SPMAP2L: variants seen among roughly 807,000 people sequenced by gnomAD.
SPMAP2L encodes the protein sperm microtubule associated protein 2-like.
the SPMAP2L span, chr4:56,548,748 CT>C: frequency 2.2e-6 from 3 of 1,371,232 alleles, no homozygotes; most frequent in Non-Finnish European, 2.9e-6. Flanking sequence ...TCTTTGATTC[CT>C]GTTGAATCTA....
chr4:56,532,620 G>A, the SPMAP2L span, among the ~76,000 whole-genome samples: 4 of 152,094 alleles, frequency 2.6e-5, no homozygotes, highest in Admixed American at 2.6e-4. Context: ...TGCAGAACTT[G>A]TCAAAAGAGT....
chr4:56,604,664 A>AG, the SPMAP2L span, among the ~76,000 whole-genome samples: 1 of 152,096 alleles, frequency 6.6e-6, no homozygotes, highest in African/African-American at 2.4e-5. Context: ...ATCTCAAAAA[A>AG]AAAAAGAAAA....
the SPMAP2L span, among the ~76,000 whole-genome samples, chr4:56,537,327 C>T: frequency 1.3e-5 from 2 of 152,178 alleles, no homozygotes; most frequent in African/African-American, 4.8e-5. Context: ...TTCTATGCTG[C>T]TGCCTTCTAA....
the SPMAP2L span, among the ~76,000 whole-genome samples, chr4:56,565,065 T>G: frequency 1.3e-5 from 2 of 152,226 alleles, no homozygotes; most frequent in Non-Finnish European, 2.9e-5. Flanking sequence ...TTATTGAAAC[T>G]TTTTTATGTC....
the SPMAP2L span, among the ~76,000 whole-genome samples, chr4:56,565,761 A>G: frequency 6.6e-6 from 1 of 152,170 alleles, no homozygotes; most frequent in East Asian, 1.9e-4. Flanking sequence ...TTATTCATCA[A>G]TCCAAAAAAT....
chr4:56,597,991 C>T, the SPMAP2L span, among the ~76,000 whole-genome samples: 1 of 152,132 alleles, frequency 6.6e-6, no homozygotes, highest in African/African-American at 2.4e-5. Context: ...GCCACCTGAG[C>T]AGCTGGGACT....
At chr4:56,621,485 G>A in the SPMAP2L span, among the ~76,000 whole-genome samples, 4,798 of 152,136 alleles carry the variant, frequency 0.032, 159 homozygotes, top group African/African-American at 0.081. Context: ...ATAACTGTAG[G>A]GCAGGTAGTT....
At chr4:56,582,422 T>C in the SPMAP2L span, among the ~76,000 whole-genome samples, 3 of 152,068 alleles carry the variant, frequency 2.0e-5, no homozygotes, top group Non-Finnish European at 4.4e-5. Context: ...CAAAAAGATA[T>C]ACAAATAGAC....
At chr4:56,620,676 C>T in the SPMAP2L span, among the ~76,000 whole-genome samples, 5 of 152,342 alleles carry the variant, frequency 3.3e-5, no homozygotes, top group South Asian at 4.1e-4. Context: ...TGAGCCACCG[C>T]GCCCGACATC....
chr4:56,566,779 C>T, the SPMAP2L span, among the ~76,000 whole-genome samples: 17 of 148,532 alleles, frequency 1.1e-4, no homozygotes, highest in Non-Finnish European at 2.2e-4. Context: ...TCACTGCAAC[C>T]TCCGCCTCCC....
chr4:56,590,353 C>A, the SPMAP2L span, among the ~76,000 whole-genome samples: 1 of 152,064 alleles, frequency 6.6e-6, no homozygotes. Context: ...TGGTGTGAAA[C>A]CTAGGTATTA....
chr4:56,562,593 G>A, the SPMAP2L span, among the ~76,000 whole-genome samples: 1 of 152,080 alleles, frequency 6.6e-6, no homozygotes, highest in Non-Finnish European at 1.5e-5. Context: ...TCACTCAAGT[G>A]CTACCTAAAA....
chr4:56,607,689 C>T, the SPMAP2L span, among the ~76,000 whole-genome samples: 1 of 151,972 alleles, frequency 6.6e-6, no homozygotes, highest in Non-Finnish European at 1.5e-5. Context: ...AGACAGTTGG[C>T]AGAAATATGG....
chr4:56,621,304 CTT>C, the SPMAP2L span, among the ~76,000 whole-genome samples: 4 of 152,022 alleles, frequency 2.6e-5, no homozygotes, highest in African/African-American at 9.7e-5. Context: ...CTCTCATACT[CTT>C]TATTTATTCC....
the SPMAP2L span, among the ~76,000 whole-genome samples, chr4:56,579,142 A>G: frequency 6.6e-6 from 1 of 152,084 alleles, no homozygotes; most frequent in Non-Finnish European, 1.5e-5. Flanking sequence ...CCTCTACTCA[A>G]AAATGGGAGA....
At chr4:56,552,472 T>C in the SPMAP2L span, 3 of 769,760 alleles carry the variant, frequency 3.9e-6, no homozygotes, top group African/African-American at 5.3e-5. Context: ...TTTTCCCCCC[T>C]CCTATGAGCA....
chr4:56,594,482 G>T, the SPMAP2L span: 1 of 1,606,304 alleles, frequency 6.2e-7, no homozygotes, highest in Non-Finnish European at 8.5e-7. Context: ...CACAGGTTAT[G>T]ACCAGGTCTG....
chr4:56,566,712 T>C, the SPMAP2L span, among the ~76,000 whole-genome samples: 1 of 144,792 alleles, frequency 6.9e-6, no homozygotes, highest in African/African-American at 2.5e-5. Flanking sequence ...TTTTTTTTTT[T>C]TTTTGGCAGA....
chr4:56,606,101 G>A, the SPMAP2L span, among the ~76,000 whole-genome samples: 2 of 152,098 alleles, frequency 1.3e-5, no homozygotes, highest in South Asian at 4.1e-4. Context: ...TTTGGCCGCC[G>A]GCTTAATAAA....
Sources: allele counts gnomAD v4.1 joint callset (sites outside exome capture counted in the v4.1 genomes callset), GRCh38; gene constraint gnomAD v4.1.1; transcripts MANE v1.5; gene names NCBI Gene and HGNC (gene_info 2026-07-23, HGNC 2026-07-21).